ARMC8: variants seen among roughly 807,000 people sequenced by gnomAD.
The protein encoded by ARMC8 is armadillo repeat-containing protein 8.
In ARMC8, 20 loss-of-function variants were observed where a neutral mutation model predicts 99.3. The observed-to-expected ratio is 0.20, with a 90% confidence interval of 0.14 to 0.29. The LOEUF is 0.29. Among genes scored for constraint, ARMC8 ranks in the 10% least tolerant of loss-of-function variants. The pLI, the probability that ARMC8 is intolerant of heterozygous loss-of-function variation, is 1.00. For synonymous variants in ARMC8, 263 were observed against 278.3 expected, an observed-to-expected ratio of 0.95 and a Z score of 0.55; for missense variants, 569 against 809.5, an observed-to-expected ratio of 0.70 and a Z score of 3.60.
intron 1 of ARMC8, among the ~76,000 whole-genome samples, chr3:138,205,060 C>CTTTTTTTTTTTTTTTTT (rs71146118): frequency 3.4e-4 from 32 of 93,222 alleles, no homozygotes; most frequent in Non-Finnish European, 4.8e-4. Context: ...CTTTTCTTTT[C>CTTTTTTTTTTTTTTTTT]TTTTTTTTTT....
In ARMC8 at chr3:138,297,504, C is replaced by G. The variant is rs2051589340; in HGVS notation, c.*1612C>G. ...ACCAGCCACTCCTGATGGGGTTGCT[C>G]ACACTGCAGCTGCCCTATCACCACC... On this transcript the variant is annotated 3_prime_UTR_variant, in exon 22 of 22. Transcript: ENST00000469044. The G allele has an allele frequency of 6.6e-6, 1 of 151,960 alleles. No individual in the cohort carries two copies. The highest frequency in any genetic ancestry group is 1.5e-5 in the Non-Finnish European group (1 of 68,038). 9.4% of individuals were successfully genotyped at this position (151,960 alleles called of 1,614,324 possible).
chr3:138,274,257 GTGTA>G (rs2049059509), intron 17 of ARMC8, among the ~76,000 whole-genome samples, 188 bp from the exon 18 acceptor site: 1 of 151,778 alleles, frequency 6.6e-6, no homozygotes. Flanking sequence ...GTGTGTGTGT[GTGTA>G]TGACATATTT....
intron 12 of ARMC8, among the ~76,000 whole-genome samples, chr3:138,260,721 C>T (rs145596237): frequency 3.3e-5 from 5 of 152,320 alleles, no homozygotes; most frequent in Non-Finnish European, 2.9e-5. Flanking sequence ...GGTAGATTTA[C>T]ATCTTTGATT....
chr3:138,207,724 T>C (rs1056082938), intron 1 of ARMC8, among the ~76,000 whole-genome samples: 2 of 152,220 alleles, frequency 1.3e-5, no homozygotes, highest in East Asian at 3.8e-4. Context: ...CGTACAGTTA[T>C]TTGTGTCCTA....
In ARMC8 at chr3:138,264,116, G is replaced by T. The variant is rs1214801742; in HGVS notation, c.1218-15G>T. The T allele has an allele frequency of 1.9e-6, 3 of 1,605,640 alleles. No individual in the cohort carries two copies. Among genetic ancestry groups the T allele is most frequent in the South Asian group, 2.2e-5 (2 of 89,322 alleles). ...TTTGATTTCTTGTGAAGCTAATTTTGATTATTCTTTGTAGATGTTTGCACA... is the reference window on the plus strand; with the variant it reads ...TTTGATTTCTTGTGAAGCTAATTTTTATTATTCTTTGTAGATGTTTGCACA... On this transcript the variant is annotated splice_polypyrimidine_tract_variant and intron_variant, in intron 13 of 21. Coordinates refer to ENST00000469044, the MANE Select transcript of ARMC8 (RefSeq NM_001363941.2).
chr3:138,227,991 G>A lies in ARMC8; in HGVS notation c.436-927G>A, dbSNP rs146107476. On this transcript the variant is annotated intron_variant, in intron 5 of 21. Coordinates refer to ENST00000469044, the MANE Select transcript of ARMC8 (RefSeq NM_001363941.2). Reference sequence around the variant, plus strand: ...TCTTTTGTTGTTTGTTTTTGTTTTTGTTTTTTGAGACAGAGTCTTGCTCTT... The same window carrying A: ...TCTTTTGTTGTTTGTTTTTGTTTTTATTTTTTGAGACAGAGTCTTGCTCTT... Among the ~76,000 whole-genome samples the A allele has an allele frequency of 5.7e-3, 870 of 152,154 alleles. 11 individuals carry two copies. Among genetic ancestry groups the A allele is most frequent in the African/African-American group, 0.02 (840 of 41,528 alleles).
chr3:138,282,902 TTAGAG>T lies in ARMC8; in HGVS notation c.1726-1526_1726-1522del, dbSNP rs2050075684. On this transcript the variant is annotated intron_variant, in intron 18 of 21. Coordinates refer to ENST00000469044, the MANE Select transcript of ARMC8 (RefSeq NM_001363941.2). ...AGAGTGCAGATTATTATTGATTTCCTTAGAGTATTGTTCCTACCAAGAAATTTAAG... is the reference window on the plus strand; with the variant it reads ...AGAGTGCAGATTATTATTGATTTCCTTATTGTTCCTACCAAGAAATTTAAG... Among the ~76,000 whole-genome samples, 3 of 152,168 alleles carry T rather than the reference TTAGAG, an allele frequency of 2.0e-5. No individual in the cohort carries two copies. The South Asian group carries it at 6.2e-4, about 31-fold the overall frequency.
intron 5 of ARMC8, among the ~76,000 whole-genome samples, chr3:138,227,134 G>C (rs928281638): frequency 6.6e-6 from 1 of 152,142 alleles, no homozygotes; most frequent in Admixed American, 6.5e-5. Flanking sequence ...GTTTGAAATT[G>C]TGTTTATCAG....
At position 138,237,312 on chromosome 3, in the gene ARMC8, C is replaced by T; in HGVS notation, c.613C>T (p.Arg205Ter). The T allele has an allele frequency of 6.2e-7, 1 of 1,611,724 alleles. No individual in the cohort carries two copies. The highest frequency in any genetic ancestry group is 8.5e-7 in the Non-Finnish European group (1 of 1,179,426). The change falls in exon 8 of 22, where the codon CGA (arginine) becomes TGA (stop). Residue 205 changes from arginine (R) to a stop codon, truncating the protein, a stop_gained. Coordinates refer to ENST00000469044, the MANE Select transcript of ARMC8 (RefSeq NM_001363941.2). LOFTEE classifies it high-confidence loss of function. ...HLLTSLSYKV[R>*]MQALKCFSVL... ...GTTTGTTCATTTATTTTTACAGGTT[C>T]GAATGCAAGCACTGAAATGTTTCTC...
intron 12 of ARMC8, among the ~76,000 whole-genome samples, chr3:138,259,945 G>T (rs1444586298): frequency 6.6e-6 from 1 of 152,088 alleles, no homozygotes; most frequent in Non-Finnish European, 1.5e-5. Flanking sequence ...TGGCCCCATG[G>T]TCCCTGTCAT....
chr3:138,197,771 AGGTATCTTTT>A (rs1360126025), intron 1 of ARMC8, among the ~76,000 whole-genome samples: 1 of 152,188 alleles, frequency 6.6e-6, no homozygotes, highest in Non-Finnish European at 1.5e-5. Flanking sequence ...CTCTATCCAG[AGGTATCTTTT>A]ATTGACCCTC....
intron 1 of ARMC8, among the ~76,000 whole-genome samples, chr3:138,206,753 A>G (rs538762532): frequency 6.6e-6 from 1 of 152,364 alleles, no homozygotes; most frequent in Admixed American, 6.5e-5. Context: ...AAATATCAGA[A>G]TTGTCCTATA....
At chr3:138,247,590 A>G (rs1030056276) in intron 12 of ARMC8, among the ~76,000 whole-genome samples, 1 of 152,226 alleles carries the variant, frequency 6.6e-6, no homozygotes, top group Non-Finnish European at 1.5e-5. Flanking sequence ...TATTATGGCC[A>G]GTTAAGGAAA....
At chr3:138,251,306 G>T (rs1262517638) in intron 12 of ARMC8, among the ~76,000 whole-genome samples, 1 of 152,094 alleles carries the variant, frequency 6.6e-6, no homozygotes, top group African/African-American at 2.4e-5. Context: ...TTCTAAATGG[G>T]CATTTAAAGG....
rs2044652179 is a variant in ARMC8 at position 138,210,790 on chromosome 3, CT to C, written c.122+898del. 6.6e-5 allele frequency among the ~76,000 whole-genome samples: 10 copies of C among 152,194 alleles called. 1 individual carries two copies. In the South Asian group the frequency reaches 2.1e-3, roughly 32 times the overall value. On this transcript the variant is annotated intron_variant, in intron 2 of 21. Coordinates refer to ENST00000469044, the MANE Select transcript of ARMC8 (RefSeq NM_001363941.2). Reference sequence around the variant, plus strand: ...CTTTGTTTATACAAGTTTCTTCGGACTGCAGTTCTTAAAGCCTCTCTCCCCA... The same window carrying C: ...CTTTGTTTATACAAGTTTCTTCGGACGCAGTTCTTAAAGCCTCTCTCCCCA...
chr3:138,257,743 G>A (rs988856562), intron 12 of ARMC8, among the ~76,000 whole-genome samples: 3 of 152,148 alleles, frequency 2.0e-5, no homozygotes, highest in Non-Finnish European at 2.9e-5. Flanking sequence ...ACTCAAGTGC[G>A]TGTCCTGGGA....
intron 12 of ARMC8, among the ~76,000 whole-genome samples, chr3:138,255,200 T>G (rs574709719): frequency 5.1e-4 from 75 of 146,462 alleles, no homozygotes; most frequent in African/African-American, 8.8e-4. Context: ...TGTTTTTTTT[T>G]TTTTTGTTTT....
intron 18 of ARMC8, among the ~76,000 whole-genome samples, chr3:138,282,635 CAAAAAAA>C (rs760470914): frequency 2.1e-5 from 1 of 47,528 alleles, no homozygotes; most frequent in Non-Finnish European, 4.7e-5. Flanking sequence ...GACTCCATCT[CAAAAAAA>C]AAAAAAAAAA....
intron 7 of ARMC8, 99 bp downstream of exon 7, chr3:138,235,213 A>G (rs2046266255): frequency 3.5e-6 from 3 of 860,180 alleles, no homozygotes; most frequent in South Asian, 3.3e-5. Context: ...ATTGTGATCA[A>G]AAGTAGTATT....
Sources: allele counts gnomAD v4.1 joint callset (sites outside exome capture counted in the v4.1 genomes callset), GRCh38; gene constraint gnomAD v4.1.1; transcripts MANE v1.5; gene names NCBI Gene and HGNC (gene_info 2026-07-23, HGNC 2026-07-21).